The following GSTA2 variants were observed in gnomAD, a reference collection of about 807,000 sequenced individuals.
GSTA2 encodes the protein glutathione S-transferase alpha 2.
In GSTA2, 27 loss-of-function variants were observed where a neutral mutation model predicts 22.4. The ratio of observed to expected loss-of-function variants is 1.21; its 90% CI spans 0.89 to 1.67. GSTA2 has a LOEUF of 1.67. GSTA2 is among the 40% of genes most tolerant of loss of function. The pLI, the probability that GSTA2 is intolerant of heterozygous loss-of-function variation, is 0.00. For synonymous variants in GSTA2, 121 were observed against 86.8 expected (o/e 1.39, Z -2.19); for missense variants, 302 against 260.2 (o/e 1.16, Z -1.11).
chr6:52,750,937 C>A (rs1190156542), intron 6 of GSTA2, among the ~76,000 whole-genome samples: 1 of 152,212 alleles, frequency 6.6e-6, no homozygotes, highest in African/African-American at 2.4e-5. Flanking sequence ...CCCTATCTTT[C>A]TTCTTACATA....
chr6:52,758,031 T>A, intron 1 of GSTA2, 54 bp from the exon 2 acceptor site: 1 of 1,091,162 alleles, frequency 9.2e-7, no homozygotes, highest in Non-Finnish European at 1.4e-6. Context: ...GAATCAAAAA[T>A]GTACTTTAGG....
intron 2 of GSTA2, 71 bp from the exon 3 acceptor site, chr6:52,756,380 C>T (rs1466327243): frequency 8.6e-7 from 1 of 1,160,104 alleles, no homozygotes; most frequent in Admixed American, 1.7e-5. Flanking sequence ...TGAATGGCCT[C>T]TATCTGGTGC....
chr6:52,759,563 GTTTTT>G (rs70977382), intron 1 of GSTA2, among the ~76,000 whole-genome samples: 2 of 34,198 alleles, frequency 5.8e-5, no homozygotes, highest in East Asian at 8.8e-4. Context: ...GTATTTATTT[GTTTTT>G]TTTTTTTTTT....
chr6:52,755,678 T>C (rs1292608490), intron 3 of GSTA2, among the ~76,000 whole-genome samples: 1 of 152,062 alleles, frequency 6.6e-6, no homozygotes, highest in Non-Finnish European at 1.5e-5. Context: ...TAGGAAGAGG[T>C]TGGGACAAGT....
intron 5 of GSTA2, 90 bp downstream of exon 5, chr6:52,752,764 G>A (rs1581771724): frequency 2.0e-6 from 3 of 1,511,114 alleles, no homozygotes; most frequent in Non-Finnish European, 9.2e-7. Context: ...ATCACTGAAA[G>A]TGAAGATCAG....
chr6:52,756,762 C>T (rs1413662974), intron 2 of GSTA2, among the ~76,000 whole-genome samples: 2 of 152,210 alleles, frequency 1.3e-5, no homozygotes, highest in South Asian at 2.1e-4. Flanking sequence ...TAATTTGTAT[C>T]GCCCCACTTC....
rs377008730 is a variant in GSTA2 at position 52,751,693 on chromosome 6, C to G, written c.430G>C (p.Gly144Arg). 6.2e-7 allele frequency: 1 copy of G among 1,613,980 alleles called. No homozygotes were observed. Among genetic ancestry groups the G allele is most frequent in the Admixed American group, 1.7e-5 (1 of 59,996 alleles). ...PAFEKVLKSH[G>R]QDYLVGNKLS... is the part of the protein sequence containing the mutation. ...TTGTTGCCAACAAGGTAGTCTTGTC[C>G]GTGGCTCTTTAAGACCTGGAGAATG... Residue 144 changes from glycine to arginine, a missense_variant, in exon 6 of 7, where the codon GGA (glycine) becomes CGA (arginine). By Grantham distance (125) the Gly-to-Arg change is moderately radical. Coordinates refer to ENST00000493422, the MANE Select transcript of GSTA2 (RefSeq NM_000846.5).
intron 5 of GSTA2, 61 bp downstream of exon 5, chr6:52,752,793 C>T (rs754795118): frequency 4.4e-5 from 70 of 1,601,876 alleles, no homozygotes; most frequent in Non-Finnish European, 5.7e-5. Flanking sequence ...GAATGCCCAG[C>T]CACTATTTTT....
chr6:52,756,680 G>T (rs1000887948), intron 2 of GSTA2, among the ~76,000 whole-genome samples: 1 of 152,190 alleles, frequency 6.6e-6, no homozygotes, highest in Non-Finnish European at 1.5e-5. Context: ...CCACAACCTT[G>T]TGTGTCCCCA....
chr6:52,757,934 G>C lies in GSTA2; in HGVS notation c.14C>G (p.Pro5Arg). 6 of 1,613,368 alleles carry C rather than the reference G, an allele frequency of 3.7e-6. No homozygotes were observed. The highest frequency in any genetic ancestry group is 5.1e-6 in the Non-Finnish European group (6 of 1,179,436). The change falls in exon 2 of 7, where the codon CCC becomes CGC. Residue 5 changes from proline to arginine, a missense_variant. By Grantham distance (103) the Pro-to-Arg change is moderately radical (BLOSUM62 -2). Coordinates refer to ENST00000493422, the MANE Select transcript of GSTA2 (RefSeq NM_000846.5). MAEKPKLHYSNIRGR... is the reference protein window; with the variant it reads MAEKRKLHYSNIRGR... Reference sequence around the variant, plus strand: ...CCGTATATTGGAGTAGTGGAGCTTGGGCTTCTCTGCCATGGTAGCAGTCTC... The same window carrying C: ...CCGTATATTGGAGTAGTGGAGCTTGCGCTTCTCTGCCATGGTAGCAGTCTC...
chr6:52,761,583 C>T (rs1454024849), intron 1 of GSTA2, among the ~76,000 whole-genome samples: 3 of 150,400 alleles, frequency 2.0e-5, no homozygotes, highest in Non-Finnish European at 4.4e-5. Flanking sequence ...GTACAGAGGT[C>T]AATGATATTC....
At chr6:52,750,787 C>A in intron 6 of GSTA2, 88 bp from the exon 7 acceptor site, 2 of 1,524,174 alleles carry the variant, frequency 1.3e-6, no homozygotes, top group Non-Finnish European at 1.8e-6. Flanking sequence ...TGAGTCCCTC[C>A]TGCCAAAGAC....
chr6:52,759,563 G>GTTTTTTTTTTTTTTTTTTTTTT (rs70977382), intron 1 of GSTA2, among the ~76,000 whole-genome samples: 2 of 34,164 alleles, frequency 5.9e-5, no homozygotes, highest in Non-Finnish European at 1.2e-4. Context: ...GTATTTATTT[G>GTTTTTTTTTTTTTTTTTTTTTT]TTTTTTTTTT....
chr6:52,750,511 G>A lies in GSTA2; in HGVS notation c.*66C>T. 1.3e-6 allele frequency: 2 copies of A among 1,504,608 alleles called. No individual in the cohort carries two copies. Among genetic ancestry groups the A allele is most frequent in the Non-Finnish European group, 1.8e-6 (2 of 1,087,998 alleles). The allele number at this position is 1,504,608 out of a possible 1,614,324, so 93.2% of individuals were successfully genotyped here. ...CAGGCACAATCAACACTTAGGTAAAGCACTTAATTGTTGCAAAACTTTAGA... is the reference window on the plus strand; with the variant it reads ...CAGGCACAATCAACACTTAGGTAAAACACTTAATTGTTGCAAAACTTTAGA... On this transcript the variant is annotated 3_prime_UTR_variant, in exon 7 of 7. Transcript: ENST00000493422.
intron 6 of GSTA2, among the ~76,000 whole-genome samples, chr6:52,751,111 T>C (rs993676926): frequency 2.0e-5 from 3 of 151,056 alleles, no homozygotes; most frequent in Admixed American, 6.6e-5. Flanking sequence ...GACCACCTTT[T>C]CTCAGTGAGA....
At position 52,757,973 on chromosome 6, in the gene GSTA2, T is replaced by C. The variant is rs1191339061; in HGVS notation, c.-26A>G. Reference sequence around the variant, plus strand: ...GGTAGCAGTCTCCTGGAGGTTTCTCTAAGCCTGAGTGAATGAATGAATGAA... The same window carrying C: ...GGTAGCAGTCTCCTGGAGGTTTCTCCAAGCCTGAGTGAATGAATGAATGAA... On this transcript the variant is annotated 5_prime_UTR_variant, in exon 2 of 7. Coordinates refer to ENST00000493422, the MANE Select transcript of GSTA2 (RefSeq NM_000846.5). 1.3e-6 allele frequency: 2 copies of C among 1,489,412 alleles called. No individual in the cohort carries two copies. Among genetic ancestry groups the C allele is most frequent in the African/African-American group, 1.4e-5 (1 of 71,952 alleles). 92.3% of individuals were successfully genotyped at this position (1,489,412 alleles called of 1,614,324 possible). A position where few individuals can be genotyped will look rare whatever the true frequency, so the allele number is the denominator to read the frequency against.
At chr6:52,756,121 C>T in intron 3 of GSTA2, 137 bp downstream of exon 3, 2 of 586,834 alleles carry the variant, frequency 3.4e-6, no homozygotes, top group Non-Finnish European at 6.3e-6. Context: ...CACATCCCTT[C>T]CATTTTAACC....
intron 2 of GSTA2, 123 bp from the exon 3 acceptor site, chr6:52,756,432 A>C (rs1186874264): frequency 2.6e-6 from 2 of 766,404 alleles, no homozygotes; most frequent in East Asian, 5.4e-5. Flanking sequence ...GGCAGGGTAC[A>C]CAGAGGGGGC....
chr6:52,758,325 A>G (rs2127289155), intron 1 of GSTA2, among the ~76,000 whole-genome samples: 2 of 152,328 alleles, frequency 1.3e-5, no homozygotes, highest in South Asian at 4.1e-4. Flanking sequence ...TCCTTCCTCA[A>G]TGCTAGTCCC....
Sources: gnomAD v4.1 joint callset for allele counts (sites outside exome capture counted in the v4.1 genomes callset) on GRCh38, gnomAD v4.1.1 for gene constraint, MANE v1.5 for transcripts, NCBI Gene and HGNC (gene_info 2026-07-23, HGNC 2026-07-21) for gene names.